Variants in PRDM5 observed in about 807,000 individuals in gnomAD.
The protein encoded by PRDM5 is PR domain zinc finger protein 5.
PRDM5 carries 56 observed loss-of-function variants against 81.2 expected under a neutral mutation model. The ratio of observed to expected loss-of-function variants is 0.69; its 90% CI spans 0.56 to 0.86. PRDM5 has a LOEUF of 0.86. Ranked by LOEUF, PRDM5 falls within the 40% of genes least tolerant of loss-of-function variation. PRDM5 has a pLI of 0.00. For synonymous variants in PRDM5, 267 were observed against 256.4 expected (o/e 1.04, Z -0.39); for missense variants, 697 against 770.1 (o/e 0.91, Z 1.12).
chr4:120,717,758 G>A (rs1236795180), intron 14 of PRDM5, among the ~76,000 whole-genome samples: 1 of 152,146 alleles, frequency 6.6e-6, no homozygotes, highest in Non-Finnish European at 1.5e-5. Flanking sequence ...ATCACAGGTG[G>A]ATGATCCACA....
chr4:120,699,439 A>G (rs1735036966), intron 15 of PRDM5, among the ~76,000 whole-genome samples: 1 of 151,952 alleles, frequency 6.6e-6, no homozygotes, highest in South Asian at 2.1e-4. Flanking sequence ...TATAATTCTT[A>G]TCTCTGTTAG....
chr4:120,812,882 A>C, intron 7 of PRDM5: 1 of 208,618 alleles, frequency 4.8e-6, no homozygotes, highest in East Asian at 1.7e-4. Context: ...AATTAACCAA[A>C]TGTGTTTGTA....
chr4:120,821,177 T>C lies in PRDM5; in HGVS notation c.469A>G (p.Arg157Gly). 6.2e-7 allele frequency: 1 copy of C among 1,614,102 alleles called. No individual in the cohort carries two copies. The highest frequency in any genetic ancestry group is 8.5e-7 in the Non-Finnish European group (1 of 1,179,928). ...CCAATTAAAGATGCAATACCTTTTC[T>C]GCCCGCTGTTGATTGTCTTCTAGAA... ...ENSRRQSTAG[R>G]KDRLGCKEDY... The change falls in exon 4 of 16, where the codon AGA becomes GGA. Residue 157 changes from arginine (R) to glycine (G), a missense_variant. By Grantham distance (125) the Arg-to-Gly change is moderately radical. Around this residue, in one of 3 missense-constraint regions of PRDM5, gnomAD observed 577 missense variants for 606.7 expected, o/e 0.95. Transcript: ENST00000264808.
intron 10 of PRDM5, among the ~76,000 whole-genome samples, chr4:120,789,646 T>C (rs1316055603): frequency 1.3e-5 from 2 of 152,140 alleles, no homozygotes; most frequent in African/African-American, 4.8e-5. Flanking sequence ...GGCCACACAA[T>C]AAAGCTAAAG....
At chr4:120,712,752 G>A (rs564196170) in intron 14 of PRDM5, among the ~76,000 whole-genome samples, 11 of 152,132 alleles carry the variant, frequency 7.2e-5, no homozygotes, top group Non-Finnish European at 1.3e-4. Flanking sequence ...TCTAGTCCTC[G>A]CTTTCATTTT....
At chr4:120,747,993 T>G (rs1225764431) in intron 14 of PRDM5, among the ~76,000 whole-genome samples, 1 of 152,244 alleles carries the variant, frequency 6.6e-6, no homozygotes, top group Non-Finnish European at 1.5e-5. Context: ...AAACAACAAT[T>G]TCTTTTGAAC....
intron 13 of PRDM5, among the ~76,000 whole-genome samples, chr4:120,773,662 T>C (rs1356522911): frequency 6.6e-6 from 1 of 152,204 alleles, no homozygotes; most frequent in Non-Finnish European, 1.5e-5. Flanking sequence ...TTAAAAACAC[T>C]AGCCCTTTTT....
chr4:120,796,005 CCAAAATAACT>C (rs1217072657), intron 10 of PRDM5, among the ~76,000 whole-genome samples: 10 of 151,844 alleles, frequency 6.6e-5, no homozygotes, highest in African/African-American at 2.4e-4. Flanking sequence ...AAGAACCAAC[CCAAAATAACT>C]CAAATAAGTA....
intron 14 of PRDM5, among the ~76,000 whole-genome samples, chr4:120,735,538 A>T (rs1578522518): frequency 6.6e-6 from 1 of 152,162 alleles, no homozygotes; most frequent in African/African-American, 2.4e-5. Flanking sequence ...GGCATAAAAA[A>T]AAAAGCTGTT....
At chr4:120,835,023 T>C (rs976312202) in intron 3 of PRDM5, among the ~76,000 whole-genome samples, 3 of 152,220 alleles carry the variant, frequency 2.0e-5, no homozygotes, top group Admixed American at 1.3e-4. Flanking sequence ...AATTCTATGA[T>C]TGTTTTCACT....
intron 2 of PRDM5, among the ~76,000 whole-genome samples, chr4:120,859,790 C>T (rs1760353853): frequency 6.6e-6 from 1 of 152,130 alleles, no homozygotes; most frequent in Non-Finnish European, 1.5e-5. Flanking sequence ...ATCTATAGCC[C>T]TTCAAATTTC....
At chr4:120,889,127 T>C (rs1444386108) in intron 2 of PRDM5, among the ~76,000 whole-genome samples, 4 of 152,178 alleles carry the variant, frequency 2.6e-5, no homozygotes, top group African/African-American at 9.6e-5. Context: ...ATTGTGCTTA[T>C]TTAAGAAACC....
chr4:120,687,064 T>C (rs1260718471), downstream of PRDM5, among the ~76,000 whole-genome samples: 2 of 152,142 alleles, frequency 1.3e-5, no homozygotes, highest in Non-Finnish European at 2.9e-5. Flanking sequence ...TTTTAATTCT[T>C]AAATTGCAGT....
At chr4:120,714,415 T>C (rs931011380) in intron 14 of PRDM5, among the ~76,000 whole-genome samples, 22 of 152,270 alleles carry the variant, frequency 1.4e-4, no homozygotes, top group Non-Finnish European at 2.9e-4. Context: ...TCAATTCTCT[T>C]TTCAGCTTGC....
At chr4:120,737,361 A>G (rs1355450843) in intron 14 of PRDM5, among the ~76,000 whole-genome samples, 2 of 152,170 alleles carry the variant, frequency 1.3e-5, no homozygotes, top group Non-Finnish European at 2.9e-5. Flanking sequence ...AAATGCAGAG[A>G]AGCACATGCA....
chr4:120,816,629 A>G, intron 6 of PRDM5, 55 bp from the exon 7 acceptor site: 1 of 1,610,772 alleles, frequency 6.2e-7, no homozygotes, highest in South Asian at 1.1e-5. Flanking sequence ...CATACCTACA[A>G]AACTCAAACA....
chr4:120,843,899 T>C (rs1288614644), intron 3 of PRDM5, among the ~76,000 whole-genome samples: 1 of 152,180 alleles, frequency 6.6e-6, no homozygotes, highest in Middle Eastern at 3.2e-3. Context: ...TTCTTGTGTC[T>C]ATAAAGTCTT....
chr4:120,701,163 TA>T (rs35533749), intron 15 of PRDM5, among the ~76,000 whole-genome samples: 22 of 141,824 alleles, frequency 1.6e-4, no homozygotes, highest in South Asian at 4.6e-4. Flanking sequence ...AAAAAAGAGG[TA>T]AAAAAAAAAC....
At chr4:120,867,144 A>C (rs1419703613) in intron 2 of PRDM5, among the ~76,000 whole-genome samples, 5 of 152,166 alleles carry the variant, frequency 3.3e-5, no homozygotes, top group Non-Finnish European at 7.3e-5. Flanking sequence ...GCTTGGAAGC[A>C]AATTGATCCT....
Sources: allele counts gnomAD v4.1 joint callset (sites outside exome capture counted in the v4.1 genomes callset), GRCh38; gene constraint gnomAD v4.1.1; regional missense constraint gnomAD v4.1.1; transcripts MANE v1.5; gene names NCBI Gene and HGNC (gene_info 2026-07-23, HGNC 2026-07-21).